Variants in CPNE4 observed in about 807,000 individuals in gnomAD.
CPNE4 encodes copine-4.
In CPNE4, 25 loss-of-function variants were observed where a neutral mutation model predicts 67.9. That is an observed-to-expected ratio of 0.37 (90% CI 0.27 to 0.51). The LOEUF is 0.51. CPNE4 is among the 20% of genes least tolerant of loss of function. CPNE4 has a pLI of 0.93. For missense variants in CPNE4, 464 were observed against 690.8 expected, an observed-to-expected ratio of 0.67 and a Z score of 3.68; for synonymous variants, 242 against 244.9, an observed-to-expected ratio of 0.99 and a Z score of 0.11.
chr3:131,669,155 C>T (rs115016357), intron 7 of CPNE4, among the ~76,000 whole-genome samples: 102 of 152,168 alleles, frequency 6.7e-4, no homozygotes, highest in African/African-American at 2.4e-3. Context: ...TCATTCCAGA[C>T]CACAGCCAGC....
intron 7 of CPNE4, among the ~76,000 whole-genome samples, chr3:131,645,580 T>C (rs1247780130): frequency 6.6e-6 from 1 of 152,204 alleles, no homozygotes; most frequent in Non-Finnish European, 1.5e-5. Flanking sequence ...ACTATAACCA[T>C]ATAAATTTTA....
At chr3:131,601,969 TG>T (rs771113714) in intron 7 of CPNE4, among the ~76,000 whole-genome samples, 1,616 of 152,298 alleles carry the variant, frequency 0.011, 20 homozygotes, top group Non-Finnish European at 0.015. Context: ...AGTCCTCATC[TG>T]TTAAAACACT....
At chr3:131,886,269 A>G (rs933593045) in intron 2 of CPNE4, among the ~76,000 whole-genome samples, 5 of 152,232 alleles carry the variant, frequency 3.3e-5, no homozygotes, top group Non-Finnish European at 7.3e-5. Flanking sequence ...TCTGTGGTGC[A>G]AGCCCCAAGC....
At chr3:132,007,079 T>A (rs1478215301) in intron 1 of CPNE4, among the ~76,000 whole-genome samples, 1 of 152,160 alleles carries the variant, frequency 6.6e-6, no homozygotes, top group African/African-American at 2.4e-5. Flanking sequence ...GCTCGGCACC[T>A]CTACCAGGTG....
chr3:131,962,873 C>A (rs2072225681), intron 1 of CPNE4, among the ~76,000 whole-genome samples: 1 of 152,056 alleles, frequency 6.6e-6, no homozygotes, highest in Non-Finnish European at 1.5e-5. Context: ...AATATTTATA[C>A]CTGAACAAGT....
rs146721117 is a variant in CPNE4, at chr3:132,019,666, T to C, written c.-2+14901A>G. Among the ~76,000 whole-genome samples the C allele has an allele frequency of 1.1e-3, 173 of 152,320 alleles. 1 individual carries two copies. The highest frequency in any genetic ancestry group is 4.1e-3 in the African/African-American group (170 of 41,582). Reference sequence around the variant, plus strand: ...AGCATAATGCTCTCCCTTGACCCAATGATGCCACTTTACTGAAATGCAATA... The same window carrying C: ...AGCATAATGCTCTCCCTTGACCCAACGATGCCACTTTACTGAAATGCAATA... On this transcript the variant is annotated intron_variant, in intron 1 of 15. Transcript: ENST00000429747.
At chr3:131,664,126 C>A (rs536715063) in intron 7 of CPNE4, among the ~76,000 whole-genome samples, 3 of 152,250 alleles carry the variant, frequency 2.0e-5, no homozygotes, top group African/African-American at 7.2e-5. Context: ...AAAATGGCCC[C>A]ATAATACATG....
intron 1 of CPNE4, among the ~76,000 whole-genome samples, chr3:131,917,534 GAC>G (rs950680905): frequency 6.6e-6 from 1 of 151,438 alleles, no homozygotes; most frequent in African/African-American, 2.4e-5. Flanking sequence ...TTCATACACA[GAC>G]ACACACCAAA....
intron 2 of CPNE4, among the ~76,000 whole-genome samples, chr3:131,860,827 C>T (rs941705041): frequency 6.6e-6 from 1 of 152,210 alleles, no homozygotes; most frequent in Non-Finnish European, 1.5e-5. Flanking sequence ...ACAGAAGATA[C>T]TCACAACTGA....
chr3:131,543,903 C>A (rs545730072), intron 14 of CPNE4, among the ~76,000 whole-genome samples: 322 of 152,302 alleles, frequency 2.1e-3, no homozygotes, highest in Non-Finnish European at 4.0e-3. Flanking sequence ...GACTTCTGGC[C>A]TGCAGCCTGC....
At chr3:131,912,628 C>G (rs1481209078) in intron 1 of CPNE4, among the ~76,000 whole-genome samples, 1 of 152,102 alleles carries the variant, frequency 6.6e-6, no homozygotes, top group Non-Finnish European at 1.5e-5. Flanking sequence ...ACTTGTCAAT[C>G]CATTTCCTAG....
intron 2 of CPNE4, among the ~76,000 whole-genome samples, chr3:131,827,058 A>C (rs73203811): frequency 0.032 from 4,884 of 152,126 alleles, 189 homozygotes; most frequent in African/African-American, 0.091. Flanking sequence ...CAAAACAAAA[A>C]AAAACAAAAC....
intron 1 of CPNE4, among the ~76,000 whole-genome samples, chr3:132,026,225 G>A (rs570656647): frequency 2.6e-5 from 4 of 152,304 alleles, no homozygotes; most frequent in African/African-American, 9.6e-5. Flanking sequence ...GTGACAGAGG[G>A]AGTATCCTAT....
intron 1 of CPNE4, among the ~76,000 whole-genome samples, chr3:131,992,815 TAGTG>T (rs2107651623): frequency 1.5e-5 from 2 of 135,942 alleles, no homozygotes; most frequent in African/African-American, 4.9e-5. Context: ...ATTCTAGTGA[TAGTG>T]AGTGAGTTCT....
In CPNE4 at chr3:131,685,973, C is replaced by T. The variant is rs368020729; in HGVS notation, c.508-15G>A. Reference sequence around the variant, plus strand: ...CTGAAGAAATCCTAAAATAGATAAACGTCAATGAATTGTTTTTCCTCCTGC... The same window carrying T: ...CTGAAGAAATCCTAAAATAGATAAATGTCAATGAATTGTTTTTCCTCCTGC... On this transcript the variant is annotated splice_polypyrimidine_tract_variant and intron_variant, in intron 5 of 15. Coordinates refer to ENST00000429747, the MANE Select transcript of CPNE4 (RefSeq NM_130808.3). The T allele has an allele frequency of 4.1e-5, 59 of 1,436,606 alleles. No individual in the cohort carries two copies. The highest frequency in any genetic ancestry group is 1.7e-4 in the Admixed American group (10 of 59,156). 89.0% of individuals were successfully genotyped at this position (1,436,606 alleles called of 1,614,324 possible).
chr3:131,980,460 T>G (rs934831542), intron 1 of CPNE4, among the ~76,000 whole-genome samples: 2 of 152,138 alleles, frequency 1.3e-5, no homozygotes, highest in Admixed American at 1.3e-4. Context: ...AGCTCTAAAT[T>G]TTTTTCTTCT....
At chr3:131,580,466 A>G (rs1310020106) in intron 9 of CPNE4, among the ~76,000 whole-genome samples, 5 of 148,306 alleles carry the variant, frequency 3.4e-5, no homozygotes, top group African/African-American at 1.3e-4. Flanking sequence ...ATACACATAT[A>G]TGTATGCCTG....
In CPNE4 at chr3:131,552,369, A is replaced by T. The variant is rs558934023; in HGVS notation, c.1168+71T>A. 6 of 1,275,538 alleles carry T rather than the reference A, an allele frequency of 4.7e-6. No homozygotes were observed. The East Asian group carries it at 1.4e-4, about 30-fold the overall frequency. 79.0% of individuals were successfully genotyped at this position (1,275,538 alleles called of 1,614,324 possible). ...CGTAACTAATATGCTACACCAGCAG[A>T]GATGAACTAAAATGGGAAAGCTGCA... On this transcript the variant is annotated intron_variant, in intron 13 of 15. Coordinates refer to ENST00000429747, the MANE Select transcript of CPNE4 (RefSeq NM_130808.3).
intron 1 of CPNE4, among the ~76,000 whole-genome samples, chr3:131,905,798 G>A (rs1364422910): frequency 6.6e-6 from 1 of 152,168 alleles, no homozygotes; most frequent in Non-Finnish European, 1.5e-5. Context: ...GTGTGAAATT[G>A]TACAGATTTG....
Sources: gnomAD v4.1 joint callset for allele counts (sites outside exome capture counted in the v4.1 genomes callset) on GRCh38, gnomAD v4.1.1 for gene constraint, MANE v1.5 for transcripts, NCBI Gene and HGNC (gene_info 2026-07-23, HGNC 2026-07-21) for gene names.